Variants in SLC35A3 observed in about 807,000 individuals in gnomAD.
The protein encoded by SLC35A3 is solute carrier family 35 member A3.
A neutral mutation model predicts 39.0 loss-of-function variants in SLC35A3; 26 were observed. The observed-to-expected ratio is 0.67, with a 90% CI of 0.49 to 0.92. The LOEUF (loss-of-function observed/expected upper bound fraction) is 0.92, where lower values mean the gene tolerates loss of function less well. Among genes scored for constraint, SLC35A3 ranks in the 40% least tolerant of loss-of-function variants. The pLI, the probability that SLC35A3 is intolerant of heterozygous loss-of-function variation, is 0.00. For missense variants in SLC35A3, 299 were observed against 371.6 expected (o/e 0.80, Z 1.61); for synonymous variants, 135 against 133.1 (o/e 1.01, Z -0.10).
In SLC35A3 at chr1:100,025,213, TC is replaced by T. The variant is rs1212266204; in HGVS notation, c.*2739del. On this transcript the variant is annotated 3_prime_UTR_variant, in exon 8 of 8. Transcript: ENST00000533028. ...TACTTACTGCTAAGTAAAATCTAAATCCTGCAAATGCACAGAATTCAAGCTG... is the reference window on the plus strand; with the variant it reads ...TACTTACTGCTAAGTAAAATCTAAATCTGCAAATGCACAGAATTCAAGCTG... The T allele has an allele frequency of 4.6e-5, 7 of 152,302 alleles. No individual in the cohort carries two copies. The highest frequency in any genetic ancestry group is 3.9e-4 in the Admixed American group (6 of 15,276). The allele number at this position is 152,302 out of a possible 1,614,324, so 9.4% of individuals were successfully genotyped here.
intron 3 of SLC35A3, among the ~76,000 whole-genome samples, chr1:100,004,455 C>T (rs1400162148): frequency 6.6e-6 from 1 of 152,168 alleles, no homozygotes; most frequent in Non-Finnish European, 1.5e-5. Flanking sequence ...ATGCACACCA[C>T]CATGCCTGGC....
chr1:99,998,757 A>G (rs1277345540), intron 2 of SLC35A3, among the ~76,000 whole-genome samples: 3 of 152,182 alleles, frequency 2.0e-5, no homozygotes, highest in African/African-American at 4.8e-5. Flanking sequence ...TGTGACACAA[A>G]TCCCTATGGG....
At chr1:100,012,924 T>G (rs931187718) in intron 5 of SLC35A3, among the ~76,000 whole-genome samples, 6 of 152,224 alleles carry the variant, frequency 3.9e-5, no homozygotes, top group African/African-American at 1.4e-4. Context: ...TAGTGTGAGC[T>G]TGGGCAAGTT....
chr1:100,017,913 A>G lies in SLC35A3; in HGVS notation c.887+98A>G, dbSNP rs375828798. On this transcript the variant is annotated intron_variant, in intron 7 of 7. Coordinates refer to ENST00000533028, the MANE Select transcript of SLC35A3 (RefSeq NM_012243.3). ...CTGATAAATTTGAAGAAGCACTGAA[A>G]TATAATTTTAAAAATTTATTTAACT... 37 of 608,218 alleles carry G rather than the reference A, an allele frequency of 6.1e-5. No individual in the cohort carries two copies. The African/African-American group carries it at 6.6e-4, about 11-fold the overall frequency. The allele number at this position is 608,218 out of a possible 1,614,324, so 37.7% of individuals were successfully genotyped here. A position where few individuals can be genotyped will look rare whatever the true frequency, so the allele number is the denominator to read the frequency against.
At chr1:100,010,880 G>C (rs1323315967) in intron 4 of SLC35A3, among the ~76,000 whole-genome samples, 2 of 152,162 alleles carry the variant, frequency 1.3e-5, no homozygotes, top group Non-Finnish European at 2.9e-5. Context: ...CTTGTACTCA[G>C]AGTTTTCCTT....
At chr1:99,992,017 G>T (rs1343307818) in intron 1 of SLC35A3, among the ~76,000 whole-genome samples, 1 of 152,144 alleles carries the variant, frequency 6.6e-6, no homozygotes, top group Non-Finnish European at 1.5e-5. Context: ...AAAGTGCTGG[G>T]ATTACAGGCA....
intron 7 of SLC35A3, among the ~76,000 whole-genome samples, chr1:100,021,729 C>A (rs990106265): frequency 1.3e-5 from 2 of 151,192 alleles, no homozygotes; most frequent in Admixed American, 6.6e-5. Flanking sequence ...TGTCTAAATT[C>A]ATTTCTGATT....
At chr1:100,008,824 A>G (rs1209155927) in intron 4 of SLC35A3, 1 of 152,186 alleles carries the variant, frequency 6.6e-6, no homozygotes, top group African/African-American at 2.4e-5. Flanking sequence ...TACTTATATT[A>G]TAGTTAAATG....
chr1:100,022,067 G>T (rs1660585562), intron 7 of SLC35A3, among the ~76,000 whole-genome samples: 1 of 152,212 alleles, frequency 6.6e-6, no homozygotes, highest in East Asian at 1.9e-4. Flanking sequence ...AGGCTGTAGA[G>T]TTAGACATAC....
rs1661355596 is a variant in SLC35A3, at chr1:100,033,320, GAA to G, written c.*10847_*10848del. The G allele has an allele frequency of 1.3e-5, 2 of 150,412 alleles. No homozygotes were observed. The highest frequency in any genetic ancestry group is 3.9e-4 in the East Asian group (2 of 5,162). 9.3% of individuals were successfully genotyped at this position (150,412 alleles called of 1,614,324 possible). ...AAAAAAAAAAAAGATAAATTTTTTC[GAA>G]AAGTTTTATATGAAAAGTGTACTCT... On this transcript the variant is annotated 3_prime_UTR_variant, in exon 8 of 8. Coordinates refer to ENST00000533028, the MANE Select transcript of SLC35A3 (RefSeq NM_012243.3).
At chr1:99,978,358 TA>T (rs750186150) in intron 1 of SLC35A3, among the ~76,000 whole-genome samples, 2 of 151,180 alleles carry the variant, frequency 1.3e-5, no homozygotes, top group African/African-American at 4.9e-5. Flanking sequence ...TCTTTACAGA[TA>T]AAAAAAAATT....
chr1:99,995,121 T>TTTCTTTCTTTCC (rs1658317330), intron 2 of SLC35A3, among the ~76,000 whole-genome samples: 1 of 116,148 alleles, frequency 8.6e-6, no homozygotes, highest in Non-Finnish European at 1.9e-5. Flanking sequence ...TCTTTCTTTC[T>TTTCTTTCTTTCC]TTCTTTCTTT....
In SLC35A3 at chr1:100,024,885, C is replaced by CA. The variant is rs1660816899; in HGVS notation, c.*2414dup. 2.7e-6 allele frequency: 1 copy of CA among 369,470 alleles called. No homozygotes were observed. The highest frequency in any genetic ancestry group is 1.5e-4 in the South Asian group (1 of 6,758). The allele number at this position is 369,470 out of a possible 1,614,324, so 22.9% of individuals were successfully genotyped here. ...TGGATTTTATTAAACAGAATTGGCT[C>CA]AAAAATACTATGTTACAGACTGTTG... is the stretch of plus-strand genomic sequence containing the variant. On this transcript the variant is annotated 3_prime_UTR_variant, in exon 8 of 8. Coordinates refer to ENST00000533028, the MANE Select transcript of SLC35A3 (RefSeq NM_012243.3).
In SLC35A3 at chr1:100,026,856, A is replaced by C; in HGVS notation, c.*4380A>C. The C allele has an allele frequency of 4.2e-6, 1 of 235,864 alleles. No homozygotes were observed. The allele number at this position is 235,864 out of a possible 1,614,324, so 14.6% of individuals were successfully genotyped here. ...TGGACATAATTCAAAGGAATGTATA[A>C]ATTGGTCTTTTGTTAAATGGCTTTT... On this transcript the variant is annotated 3_prime_UTR_variant, in exon 8 of 8. Transcript: ENST00000533028.
chr1:99,997,705 CATAATTTTA>C (rs1308008957), intron 2 of SLC35A3, among the ~76,000 whole-genome samples: 2 of 151,298 alleles, frequency 1.3e-5, no homozygotes, highest in African/African-American at 2.4e-5. Context: ...CTCTCTTGGA[CATAATTTTA>C]ATAATTTACA....
chr1:100,032,923 C>T lies in SLC35A3; in HGVS notation c.*10447C>T, dbSNP rs1349917051. The T allele has an allele frequency of 6.6e-6, 1 of 152,210 alleles. No homozygotes were observed. Among genetic ancestry groups the T allele is most frequent in the South Asian group, 2.1e-4 (1 of 4,818 alleles). 9.4% of individuals were successfully genotyped at this position (152,210 alleles called of 1,614,324 possible). On this transcript the variant is annotated 3_prime_UTR_variant, in exon 8 of 8. Coordinates refer to ENST00000533028, the MANE Select transcript of SLC35A3 (RefSeq NM_012243.3). ...TAGGCACAAGAAATCTGAGGCTTAC[C>T]TTATATTTGTCTTGTTCCAAATTTG...
rs769627246 is a variant in SLC35A3 at position 99,993,721 on chromosome 1, T to C, written c.167T>C (p.Leu56Ser). ...CTTTTGAAGATAATGGCCTGCATTT[T>C]ATTGGTCTACAAAGACAGCAGTAGG... ...AELLKIMACI[L>S]LVYKDSKCSL... Residue 56 changes from leucine (L) to serine (S), a missense_variant, in exon 2 of 8, where the codon TTA (leucine) becomes TCA (serine). By Grantham distance (145) the Leu-to-Ser change is moderately radical. Transcript: ENST00000533028. 8 of 1,614,056 alleles carry C rather than the reference T, an allele frequency of 5.0e-6. No individual in the cohort carries two copies. Among genetic ancestry groups the C allele is most frequent in the South Asian group, 1.1e-5 (1 of 91,064 alleles).
chr1:99,998,328 A>G (rs1028600227), intron 2 of SLC35A3, among the ~76,000 whole-genome samples: 3 of 151,964 alleles, frequency 2.0e-5, no homozygotes, highest in Non-Finnish European at 4.4e-5. Context: ...CTAGTTAAAA[A>G]AAAATTTTTT....
At chr1:99,981,442 T>C (rs1202284945) in intron 1 of SLC35A3, among the ~76,000 whole-genome samples, 1 of 152,170 alleles carries the variant, frequency 6.6e-6, no homozygotes, top group Non-Finnish European at 1.5e-5. Flanking sequence ...AGATACTAGG[T>C]AGTCTCAAAA....
Sources: allele counts gnomAD v4.1 joint callset (sites outside exome capture counted in the v4.1 genomes callset), GRCh38; gene constraint gnomAD v4.1.1; transcripts MANE v1.5; gene names NCBI Gene and HGNC (gene_info 2026-07-23, HGNC 2026-07-21).